The following ZNG1F variants were observed in gnomAD, a reference collection of about 807,000 sequenced individuals.
ZNG1F encodes the protein zinc-regulated GTPase metalloprotein activator 1F.
At chr9:41,134,299 T>A in the ZNG1F span, among the ~76,000 whole-genome samples, 2 of 122,744 alleles carry the variant, frequency 1.6e-5, no homozygotes, top group East Asian at 4.8e-4. Flanking sequence ...GCTTGGCTTA[T>A]CTTTAACTGA....
chr9:41,195,530 G>A, the ZNG1F span, among the ~76,000 whole-genome samples: 1 of 136,768 alleles, frequency 7.3e-6, no homozygotes, highest in Non-Finnish European at 1.6e-5. Flanking sequence ...TATCTTTGGT[G>A]GTTAAACCAT....
the ZNG1F span, chr9:41,132,101 C>G: frequency 6.5e-7 from 1 of 1,548,656 alleles, no homozygotes; most frequent in Non-Finnish European, 8.7e-7. Flanking sequence ...AAAGATGAAA[C>G]ATTGACCACA....
chr9:41,183,738 T>C, the ZNG1F span: 1 of 1,599,482 alleles, frequency 6.3e-7, no homozygotes, highest in Non-Finnish European at 8.5e-7. Flanking sequence ...AAGATGAGGA[T>C]AACTCAATAA....
the ZNG1F span, among the ~76,000 whole-genome samples, chr9:41,187,654 G>T: frequency 1.4e-5 from 2 of 147,076 alleles, no homozygotes; most frequent in Admixed American, 1.4e-4. Flanking sequence ...TAGTCAGGAG[G>T]CTTTTAGAGT....
the ZNG1F span, among the ~76,000 whole-genome samples, chr9:41,193,448 A>C: frequency 7.9e-6 from 1 of 126,512 alleles, no homozygotes; most frequent in Non-Finnish European, 1.8e-5. Context: ...CATGCTAAGC[A>C]CCACAAAATC....
At chr9:41,139,478 CAG>C in the ZNG1F span, among the ~76,000 whole-genome samples, 1 of 147,622 alleles carries the variant, frequency 6.8e-6, no homozygotes, top group African/African-American at 2.5e-5. Context: ...TGGCACTTTC[CAG>C]AGAGTGTCAG....
chr9:41,154,559 C>G, the ZNG1F span, among the ~76,000 whole-genome samples: 1 of 140,434 alleles, frequency 7.1e-6, no homozygotes. Flanking sequence ...CAATCCTAAG[C>G]CAAAAGAACA....
chr9:41,195,544 A>G, the ZNG1F span, among the ~76,000 whole-genome samples: 2 of 141,118 alleles, frequency 1.4e-5, no homozygotes, highest in African/African-American at 5.1e-5. Context: ...AAACCATGCT[A>G]TTAATAAGTC....
chr9:41,174,023 A>G, the ZNG1F span, among the ~76,000 whole-genome samples: 1 of 148,776 alleles, frequency 6.7e-6, no homozygotes, highest in African/African-American at 2.5e-5. Flanking sequence ...GGGGTTCAAG[A>G]CCAGTCAGGC....
chr9:41,152,307 C>T, the ZNG1F span, among the ~76,000 whole-genome samples: 5 of 148,594 alleles, frequency 3.4e-5, 1 homozygote, highest in Non-Finnish European at 6.0e-5. Flanking sequence ...GCTAACTATC[C>T]TAAATATACA....
chr9:41,155,165 G>C, the ZNG1F span, among the ~76,000 whole-genome samples: 5 of 151,224 alleles, frequency 3.3e-5, no homozygotes, highest in African/African-American at 1.2e-4. Flanking sequence ...CAAGAAAAAA[G>C]CAAACAACCC....
the ZNG1F span, among the ~76,000 whole-genome samples, chr9:41,169,108 T>C: frequency 1.6e-4 from 24 of 148,292 alleles, 1 homozygote; most frequent in Non-Finnish European, 2.8e-4. Context: ...AAATGTCCTC[T>C]TCTATGCCCA....
the ZNG1F span, among the ~76,000 whole-genome samples, chr9:41,201,268 T>A: frequency 7.3e-6 from 1 of 136,910 alleles, no homozygotes; most frequent in South Asian, 2.5e-4. Context: ...GCTATACATA[T>A]ATATATATAT....
At chr9:41,193,311 A>T in the ZNG1F span, among the ~76,000 whole-genome samples, 1 of 134,800 alleles carries the variant, frequency 7.4e-6, no homozygotes, top group African/African-American at 2.8e-5. Flanking sequence ...AATAAGAGAG[A>T]GAGCAAATGT....
At chr9:41,157,952 CA>C in the ZNG1F span, 1 of 101,506 alleles carries the variant, frequency 9.9e-6, no homozygotes, top group African/African-American at 3.3e-5. Flanking sequence ...TATCAGTTTA[CA>C]CTAAAAGGCC....
chr9:41,175,136 C>T, the ZNG1F span, among the ~76,000 whole-genome samples: 1 of 148,510 alleles, frequency 6.7e-6, no homozygotes, highest in Admixed American at 6.8e-5. Flanking sequence ...GATAATCAAA[C>T]TCATTCCAAA....
At chr9:41,139,309 C>T in the ZNG1F span, among the ~76,000 whole-genome samples, 3 of 143,618 alleles carry the variant, frequency 2.1e-5, no homozygotes, top group Admixed American at 7.3e-5. Context: ...GTAGTCTGCA[C>T]AGAGTCGGGA....
the ZNG1F span, among the ~76,000 whole-genome samples, chr9:41,204,966 T>C: frequency 6.6e-6 from 1 of 150,930 alleles, no homozygotes; most frequent in Non-Finnish European, 1.5e-5. Context: ...CCCAAGCTCT[T>C]AAAAAGTTGC....
the ZNG1F span, among the ~76,000 whole-genome samples, chr9:41,175,230 T>C: frequency 6.8e-6 from 1 of 147,228 alleles, no homozygotes; most frequent in South Asian, 2.1e-4. Context: ...GTCAGCTGTT[T>C]ACAGTGATTA....
Sources: gnomAD v4.1 joint callset for allele counts (sites outside exome capture counted in the v4.1 genomes callset) on GRCh38, gnomAD v4.1.1 for gene constraint, MANE v1.5 for transcripts, NCBI Gene and HGNC (gene_info 2026-07-23, HGNC 2026-07-21) for gene names.